AKAP6: variants seen among roughly 807,000 people sequenced by gnomAD.
AKAP6 encodes A-kinase anchoring protein 6.
Under a neutral mutation model 188.5 loss-of-function variants are expected in AKAP6, and 58 were observed. The ratio of observed to expected loss-of-function variants is 0.31; its 90% confidence interval spans 0.25 to 0.38. The LOEUF (loss-of-function observed/expected upper bound fraction) is 0.38. AKAP6 is among the 10% of genes least tolerant of loss of function. The pLI, the probability that AKAP6 is intolerant of heterozygous loss-of-function variation, is 1.00. For synonymous variants in AKAP6, 989 were observed against 998.6 expected, an observed-to-expected ratio of 0.99 and a Z score of 0.18; for missense variants, 2,710 against 2,740.0, an observed-to-expected ratio of 0.99 and a Z score of 0.24.
intron 9 of AKAP6, among the ~76,000 whole-genome samples, chr14:32,727,030 G>T (rs1383582538): frequency 6.6e-6 from 1 of 152,042 alleles, no homozygotes; most frequent in Non-Finnish European, 1.5e-5. Context: ...CCATACAAAG[G>T]CTTCAGAAGG....
intron 2 of AKAP6, among the ~76,000 whole-genome samples, chr14:32,502,735 C>G (rs1406464632): frequency 6.6e-6 from 1 of 152,060 alleles, no homozygotes; most frequent in Non-Finnish European, 1.5e-5. Flanking sequence ...GCTTTTTAAA[C>G]TTTATACACC....
chr14:32,573,150 A>T (rs575659878), intron 4 of AKAP6, among the ~76,000 whole-genome samples: 2 of 152,316 alleles, frequency 1.3e-5, no homozygotes, highest in South Asian at 4.1e-4. Context: ...CAATAAGGAC[A>T]CTGGTAGAAA....
chr14:32,782,397 T>C (rs1566707680), intron 12 of AKAP6, among the ~76,000 whole-genome samples: 1 of 152,138 alleles, frequency 6.6e-6, no homozygotes, highest in African/African-American at 2.4e-5. Flanking sequence ...GTATTGGAAG[T>C]TTTAGCCAGA....
intron 12 of AKAP6, among the ~76,000 whole-genome samples, chr14:32,815,274 A>G (rs887875495): frequency 7.2e-5 from 11 of 152,188 alleles, no homozygotes; most frequent in African/African-American, 2.7e-4. Context: ...AAGAGCATTC[A>G]CTAGAACAGT....
chr14:32,507,719 C>T (rs1454956982), intron 2 of AKAP6, among the ~76,000 whole-genome samples: 1 of 152,172 alleles, frequency 6.6e-6, no homozygotes, highest in Non-Finnish European at 1.5e-5. Flanking sequence ...TGGCCTGGGA[C>T]AGGCATTGTA....
chr14:32,490,485 A>G (rs1453877590), intron 2 of AKAP6, among the ~76,000 whole-genome samples: 1 of 152,196 alleles, frequency 6.6e-6, no homozygotes. Flanking sequence ...TGTTATATTC[A>G]TAGTTTATAG....
chr14:32,569,198 TC>T (rs1884347492), intron 4 of AKAP6, among the ~76,000 whole-genome samples: 1 of 152,188 alleles, frequency 6.6e-6, no homozygotes, highest in Non-Finnish European at 1.5e-5. Context: ...GCTCTTTCTT[TC>T]CCACTGACAG....
At chr14:32,514,604 T>G (rs1881425266) in intron 2 of AKAP6, among the ~76,000 whole-genome samples, 1 of 152,200 alleles carries the variant, frequency 6.6e-6, no homozygotes, top group African/African-American at 2.4e-5. Context: ...CCTTTATACC[T>G]TGAAACGCTC....
chr14:32,601,462 A>C (rs752063932), intron 7 of AKAP6, among the ~76,000 whole-genome samples: 1 of 152,204 alleles, frequency 6.6e-6, no homozygotes, highest in Non-Finnish European at 1.5e-5. Flanking sequence ...TTGAACTTTA[A>C]ATGAGGCACC....
At chr14:32,508,368 T>C (rs887438916) in intron 2 of AKAP6, among the ~76,000 whole-genome samples, 12 of 152,164 alleles carry the variant, frequency 7.9e-5, no homozygotes, top group Non-Finnish European at 5.9e-5. Flanking sequence ...GTAGTTGAAA[T>C]AGAAATCAAA....
chr14:32,406,160 G>A (rs893618007), intron 1 of AKAP6, among the ~76,000 whole-genome samples: 3 of 152,104 alleles, frequency 2.0e-5, no homozygotes, highest in African/African-American at 4.8e-5. Context: ...ATAGTGTAAC[G>A]AAAGCTCTCT....
intron 8 of AKAP6, among the ~76,000 whole-genome samples, chr14:32,683,006 G>GTTTTTGTTTTT (rs1889756179): frequency 3.1e-5 from 3 of 96,702 alleles, no homozygotes; most frequent in Admixed American, 1.0e-4. Flanking sequence ...TTTTTTTTTT[G>GTTTTTGTTTTT]TTTTTGAGAC....
chr14:32,703,022 A>T (rs1026462932), intron 9 of AKAP6, among the ~76,000 whole-genome samples: 6 of 152,206 alleles, frequency 3.9e-5, no homozygotes, highest in African/African-American at 1.4e-4. Context: ...AAAGATAATT[A>T]ACACTTGAAG....
chr14:32,342,723 A>C (rs578156610), intron 1 of AKAP6, among the ~76,000 whole-genome samples: 1 of 151,932 alleles, frequency 6.6e-6, no homozygotes, highest in South Asian at 2.1e-4. Context: ...CTGGATGGAG[A>C]CTCTACTGAA....
At chr14:32,767,552 C>A (rs1160545938) in intron 11 of AKAP6, among the ~76,000 whole-genome samples, 1 of 152,068 alleles carries the variant, frequency 6.6e-6, no homozygotes, top group African/African-American at 2.4e-5. Context: ...TCAATAAGTA[C>A]ATTTGGATGG....
chr14:32,650,780 TACC>T (rs1888188709), intron 7 of AKAP6, among the ~76,000 whole-genome samples: 1 of 152,178 alleles, frequency 6.6e-6, no homozygotes, highest in Non-Finnish European at 1.5e-5. Context: ...GTTTTGCGTT[TACC>T]TAGACTATGC....
intron 3 of AKAP6, among the ~76,000 whole-genome samples, chr14:32,540,158 C>CTATA (rs1566563373): frequency 2.7e-5 from 3 of 112,784 alleles, no homozygotes; most frequent in East Asian, 2.3e-4. Context: ...CTCTCTCTCT[C>CTATA]TCTCTCTCTC....
chr14:32,703,895 A>C (rs1407233838), intron 9 of AKAP6, among the ~76,000 whole-genome samples: 1 of 152,226 alleles, frequency 6.6e-6, no homozygotes, highest in Non-Finnish European at 1.5e-5. Flanking sequence ...TGTAAATGTA[A>C]TGCTCACTAA....
chr14:32,523,181 G>T (rs1881939238), intron 2 of AKAP6, among the ~76,000 whole-genome samples: 2 of 151,326 alleles, frequency 1.3e-5, no homozygotes, highest in Non-Finnish European at 2.9e-5. Context: ...CTGTCTTGGG[G>T]TGGGGGAAGG....
Sources: gnomAD v4.1 joint callset for allele counts (sites outside exome capture counted in the v4.1 genomes callset) on GRCh38, gnomAD v4.1.1 for gene constraint, MANE v1.5 for transcripts, NCBI Gene and HGNC (gene_info 2026-07-23, HGNC 2026-07-21) for gene names.